The following SPMIP6 variants were observed in gnomAD, a reference collection of about 807,000 sequenced individuals.
SPMIP6 encodes ciliated bronchial epithelial protein 1.
At chr9:34,379,178 C>A in the SPMIP6 span, 11 of 1,607,352 alleles carry the variant, frequency 6.8e-6, no homozygotes, top group African/African-American at 1.3e-4. The surrounding 1 kb of genome is among the most constrained non-coding windows in gnomAD (Gnocchi z 4.2). Context: ...GACTTGTGTC[C>A]CATCTACAGG....
At chr9:34,384,024 G>T in the SPMIP6 span, among the ~76,000 whole-genome samples, 1 of 152,168 alleles carries the variant, frequency 6.6e-6, no homozygotes, top group Admixed American at 6.5e-5. Flanking sequence ...TGTCCTACAA[G>T]GCCCTCCATG....
the SPMIP6 span, chr9:34,379,186 A>ATG: frequency 6.3e-7 from 1 of 1,584,572 alleles, no homozygotes. The surrounding 1 kb of genome is among the most constrained non-coding windows in gnomAD (Gnocchi z 4.2). Context: ...TCCCATCTAC[A>ATG]GGAAGAGATG....
At chr9:34,379,804 C>T in the SPMIP6 span, 4 of 1,258,634 alleles carry the variant, frequency 3.2e-6, no homozygotes, top group Admixed American at 1.8e-5. This position sits in a 1 kb window ranked among gnomAD's most constrained non-coding sequence, Gnocchi z 4.2. Context: ...TTAGACCAAG[C>T]CCCTGGGCGG....
At chr9:34,383,555 C>T in the SPMIP6 span, among the ~76,000 whole-genome samples, 1 of 152,290 alleles carries the variant, frequency 6.6e-6, no homozygotes, top group East Asian at 1.9e-4. Flanking sequence ...AATCTACTTC[C>T]TCTTCCAGTG....
At chr9:34,382,912 C>T in the SPMIP6 span, 9 of 1,249,590 alleles carry the variant, frequency 7.2e-6, no homozygotes, top group South Asian at 9.5e-5. Context: ...TTACTTCTTA[C>T]TCTACTCCAG....
At chr9:34,397,520 T>A in the SPMIP6 span, 5 of 1,614,134 alleles carry the variant, frequency 3.1e-6, no homozygotes, top group Non-Finnish European at 4.2e-6. Flanking sequence ...ACTTGTTGGC[T>A]TCCCAGGCAC....
At chr9:34,381,435 T>C in the SPMIP6 span, 13 of 1,613,908 alleles carry the variant, frequency 8.1e-6, no homozygotes, top group African/African-American at 1.7e-4. This position sits in a 1 kb window ranked among gnomAD's most constrained non-coding sequence, Gnocchi z 4.4. Context: ...GCTGTCTCCA[T>C]CCTGGCCTCC....
chr9:34,395,127 TA>T, the SPMIP6 span, among the ~76,000 whole-genome samples: 1 of 152,164 alleles, frequency 6.6e-6, no homozygotes, highest in African/African-American at 2.4e-5. Context: ...TGCACCTGGC[TA>T]ATCTTTGTAT....
chr9:34,397,789 C>G, the SPMIP6 span: 1 of 722,704 alleles, frequency 1.4e-6, no homozygotes. Flanking sequence ...CAGCTTCCTT[C>G]CCCAACAGCC....
At chr9:34,382,866 T>G in the SPMIP6 span, 6 of 1,605,956 alleles carry the variant, frequency 3.7e-6, no homozygotes, top group East Asian at 1.3e-4. Context: ...GCTGCATTTG[T>G]CTGCTGGATA....
chr9:34,383,683 A>T, the SPMIP6 span, among the ~76,000 whole-genome samples: 3 of 152,214 alleles, frequency 2.0e-5, no homozygotes, highest in Non-Finnish European at 4.4e-5. Flanking sequence ...TCAGTTTTAC[A>T]ATTATTATCT....
chr9:34,380,913 C>G, the SPMIP6 span: 2 of 1,588,546 alleles, frequency 1.3e-6, no homozygotes, highest in East Asian at 2.3e-5. Context: ...GTCGGTTGCT[C>G]CCGGCACCAA....
At chr9:34,386,947 G>A in the SPMIP6 span, among the ~76,000 whole-genome samples, 1 of 152,174 alleles carries the variant, frequency 6.6e-6, no homozygotes, top group Non-Finnish European at 1.5e-5. Flanking sequence ...GGGACACCCA[G>A]CAAAGTCAGA....
At chr9:34,379,196 G>A in the SPMIP6 span, 58 of 1,541,506 alleles carry the variant, frequency 3.8e-5, no homozygotes, top group Non-Finnish European at 5.1e-5. This position sits in a 1 kb window ranked among gnomAD's most constrained non-coding sequence, Gnocchi z 4.2. Context: ...AGGAAGAGAT[G>A]GGTCAGCCGT....
At chr9:34,382,789 T>TGCA in the SPMIP6 span, 37 of 1,614,146 alleles carry the variant, frequency 2.3e-5, no homozygotes, top group Middle Eastern at 3.3e-4. Context: ...GTATACTTGT[T>TGCA]GCAGCAGCTG....
At chr9:34,395,463 C>G in the SPMIP6 span, among the ~76,000 whole-genome samples, 1 of 152,134 alleles carries the variant, frequency 6.6e-6, no homozygotes, top group Admixed American at 6.5e-5. Context: ...CAATAATTCT[C>G]TGTCTTCTTT....
chr9:34,394,966 CTT>C, the SPMIP6 span, among the ~76,000 whole-genome samples: 16 of 144,178 alleles, frequency 1.1e-4, no homozygotes, highest in East Asian at 2.0e-4. Flanking sequence ...TTCCTTCATT[CTT>C]TTTTTTTTTT....
the SPMIP6 span, chr9:34,385,555 A>G: frequency 9.1e-7 from 1 of 1,102,774 alleles, no homozygotes; most frequent in East Asian, 2.9e-5. Context: ...AAAAAAAAAA[A>G]AAAAAGGATA....
chr9:34,396,543 C>T, the SPMIP6 span, among the ~76,000 whole-genome samples: 11 of 152,286 alleles, frequency 7.2e-5, no homozygotes, highest in East Asian at 7.7e-4. Context: ...CTTATGTCCA[C>T]GCTCCACAAC....
Sources: allele counts gnomAD v4.1 joint callset (sites outside exome capture counted in the v4.1 genomes callset), GRCh38; gene constraint gnomAD v4.1.1; non-coding constraint Gnocchi (gnomAD v3.1); transcripts MANE v1.5; gene names NCBI Gene and HGNC (gene_info 2026-07-23, HGNC 2026-07-21).